The following AKAP6 variants were observed in gnomAD, a reference collection of about 807,000 sequenced individuals.
AKAP6 encodes the protein A-kinase anchoring protein 6, also known as A-kinase anchor protein 6.
Under a neutral mutation model 188.5 loss-of-function variants are expected in AKAP6, and 58 were observed. The observed-to-expected ratio is 0.31, with a 90% CI of 0.25 to 0.38. AKAP6 has a LOEUF of 0.38. Ranked by LOEUF, AKAP6 falls within the 10% of genes least tolerant of loss-of-function variation. AKAP6 has a pLI of 1.00. For missense variants in AKAP6, 2,710 were observed against 2,740.0 expected (o/e 0.99, Z 0.24); for synonymous variants, 989 against 998.6 (o/e 0.99, Z 0.18).
chr14:32,622,732 C>T (rs769930212), intron 7 of AKAP6, among the ~76,000 whole-genome samples: 6 of 152,024 alleles, frequency 3.9e-5, no homozygotes, highest in Admixed American at 1.3e-4. Flanking sequence ...CATGCAAAGG[C>T]AGGTGGGGAG....
At chr14:32,465,804 T>C (rs1439671290) in intron 2 of AKAP6, among the ~76,000 whole-genome samples, 1 of 152,100 alleles carries the variant, frequency 6.6e-6, no homozygotes, top group African/African-American at 2.4e-5. Flanking sequence ...GACCTAAGAA[T>C]GGGAGAAAAT....
intron 2 of AKAP6, among the ~76,000 whole-genome samples, chr14:32,509,710 C>T (rs1424237388): frequency 1.3e-5 from 2 of 152,108 alleles, no homozygotes; most frequent in East Asian, 1.9e-4. Flanking sequence ...GGACACCAGT[C>T]TCCTTCTTAG....
At chr14:32,712,361 G>C (rs1385226445) in intron 9 of AKAP6, among the ~76,000 whole-genome samples, 1 of 151,986 alleles carries the variant, frequency 6.6e-6, no homozygotes, top group Non-Finnish European at 1.5e-5. Context: ...CGACTAATCT[G>C]GGTGGTGGTT....
At chr14:32,655,986 A>G (rs1433370374) in intron 7 of AKAP6, among the ~76,000 whole-genome samples, 1 of 152,162 alleles carries the variant, frequency 6.6e-6, no homozygotes, top group Non-Finnish European at 1.5e-5. Context: ...TTTTCTCAAG[A>G]TAAATATCTC....
At chr14:32,800,942 A>G (rs1192993758) in intron 12 of AKAP6, among the ~76,000 whole-genome samples, 1 of 152,136 alleles carries the variant, frequency 6.6e-6, no homozygotes, top group Non-Finnish European at 1.5e-5. Flanking sequence ...ACTTGAGCCC[A>G]GGAGGTCCAG....
At chr14:32,356,398 T>G (rs1210245651) in intron 1 of AKAP6, among the ~76,000 whole-genome samples, 4 of 152,088 alleles carry the variant, frequency 2.6e-5, no homozygotes, top group African/African-American at 9.7e-5. Context: ...CACAGGCATC[T>G]CCCCCTCTAC....
chr14:32,395,474 G>A (rs913390204), intron 1 of AKAP6, among the ~76,000 whole-genome samples: 3 of 152,082 alleles, frequency 2.0e-5, no homozygotes, highest in African/African-American at 7.2e-5. Context: ...CAGAATTAAT[G>A]GAATTTGGGG....
In AKAP6 at chr14:32,685,448, G is replaced by A. The variant is rs535669672; in HGVS notation, c.2879+6989G>A. On this transcript the variant is annotated intron_variant, in intron 8 of 13. Transcript: ENST00000280979. ...GCCATTAGAAGAGGTCTGGCCGGGT[G>A]CGGTGGGATTACATGCCTGTAATCC... is the stretch of plus-strand genomic sequence containing the variant. Among the ~76,000 whole-genome samples, 55 of 152,124 alleles carry A rather than the reference G, an allele frequency of 3.6e-4. 1 individual carries two copies. The highest frequency in any genetic ancestry group is 3.1e-3 in the Admixed American group (48 of 15,280).
At chr14:32,514,254 G>A (rs909304528) in intron 2 of AKAP6, among the ~76,000 whole-genome samples, 1 of 152,090 alleles carries the variant, frequency 6.6e-6, no homozygotes, top group African/African-American at 2.4e-5. Context: ...TTCCTGTTCT[G>A]GACTCTCAGA....
chr14:32,754,532 G>C (rs2032260901), intron 11 of AKAP6, among the ~76,000 whole-genome samples: 1 of 152,070 alleles, frequency 6.6e-6, no homozygotes, highest in South Asian at 2.1e-4. Flanking sequence ...AGTTACAAGT[G>C]ATTTATGCAC....
chr14:32,784,141 G>A (rs2033333914), intron 12 of AKAP6, among the ~76,000 whole-genome samples: 1 of 152,152 alleles, frequency 6.6e-6, no homozygotes. Context: ...GCGTAAGCAA[G>A]CACTTTCTGT....
rs757049021 is a variant in AKAP6 at position 32,546,194 on chromosome 14, G to A, written c.1541G>A (p.Gly514Glu). The change falls in exon 4 of 14, where the codon GGG becomes GAG. Residue 514 changes from glycine (G) to glutamate (E), a missense_variant. Around this residue, in one of 2 missense-constraint regions of AKAP6, gnomAD observed 2,473 missense variants for 2,426.1 expected, o/e 1.02. Transcript: ENST00000280979. ...EVPPCRTPKR[G>E]TGSGKQAKNT... ...CCTCCATGCCGAACACCTAAACGGG[G>A]GACTGGTTCAGGCAAACAAGCTAAA... 3.1e-6 allele frequency: 5 copies of A among 1,614,126 alleles called. No individual in the cohort carries two copies. The highest frequency in any genetic ancestry group is 1.7e-5 in the Admixed American group (1 of 60,020).
rs71293226 is a variant in AKAP6 at position 32,750,737 on chromosome 14, G to GT, written c.3372+14868dup. On this transcript the variant is annotated intron_variant, in intron 11 of 13. Coordinates refer to ENST00000280979, the MANE Select transcript of AKAP6 (RefSeq NM_004274.5). ...AGGACTGGGTCACTAAATTAATTTT[G>GT]TTTTTTTTTTTTTGTTTTTTTTTCA... Among the ~76,000 whole-genome samples, 322 of 138,340 alleles carry GT rather than the reference G, an allele frequency of 2.3e-3. 4 individuals carry two copies. Among genetic ancestry groups the GT allele is most frequent in the South Asian group, 0.014 (62 of 4,528 alleles). 90.8% of individuals were successfully genotyped at this position (138,340 alleles called of 152,430 possible). A position where few individuals can be genotyped will look rare whatever the true frequency, so the allele number is the denominator to read the frequency against.
At chr14:32,749,306 C>T (rs919143380) in intron 11 of AKAP6, among the ~76,000 whole-genome samples, 2 of 152,146 alleles carry the variant, frequency 1.3e-5, no homozygotes, top group Non-Finnish European at 2.9e-5. Flanking sequence ...TTATAGATGT[C>T]ATTTAATTTC....
intron 4 of AKAP6, among the ~76,000 whole-genome samples, chr14:32,562,970 G>A (rs556531710): frequency 6.6e-6 from 1 of 152,024 alleles, no homozygotes; most frequent in Non-Finnish European, 1.5e-5. Flanking sequence ...TAGGATGTAG[G>A]GTCCATGAAG....
At chr14:32,441,945 T>A (rs1475550752) in intron 2 of AKAP6, among the ~76,000 whole-genome samples, 2 of 152,218 alleles carry the variant, frequency 1.3e-5, no homozygotes, top group Non-Finnish European at 2.9e-5. Context: ...TGGGGTTTTT[T>A]AAAGATGTTT....
chr14:32,726,219 A>G, intron 9 of AKAP6: 3 of 982,416 alleles, frequency 3.1e-6, no homozygotes, highest in Non-Finnish European at 3.6e-6. Context: ...ACTAAGGAGA[A>G]AACTTAGAAG....
At position 32,680,725 on chromosome 14, in the gene AKAP6, T is replaced by C. The variant is rs151218677; in HGVS notation, c.2879+2266T>C. 1.1e-3 allele frequency among the ~76,000 whole-genome samples: 172 copies of C among 152,304 alleles called. 1 individual carries two copies. The highest frequency in any genetic ancestry group is 2.1e-3 in the Non-Finnish European group (146 of 68,014). ...GCTACACTGAATGGTGATCTTAAGT[T>C]TCTGAGAATTTTATGTAACCAAAAT... On this transcript the variant is annotated intron_variant, in intron 8 of 13. Transcript: ENST00000280979.
intron 7 of AKAP6, among the ~76,000 whole-genome samples, chr14:32,606,573 A>G (rs1886134867): frequency 6.6e-6 from 1 of 152,212 alleles, no homozygotes; most frequent in African/African-American, 2.4e-5. Flanking sequence ...ATAAGTTTCC[A>G]GAACAAAGAA....
Sources: gnomAD v4.1 joint callset for allele counts (sites outside exome capture counted in the v4.1 genomes callset) on GRCh38, gnomAD v4.1.1 for gene constraint, gnomAD v4.1.1 regional missense constraint, MANE v1.5 for transcripts, NCBI Gene and HGNC (gene_info 2026-07-23, HGNC 2026-07-21) for gene names.